Variants in OSBPL9 observed in about 807,000 individuals in gnomAD.
OSBPL9 encodes the protein oxysterol binding protein like 9, also known as oxysterol-binding protein-related protein 9.
In OSBPL9, 40 loss-of-function variants were observed where a neutral mutation model predicts 106.6. The observed-to-expected ratio is 0.38, with a 90% CI of 0.29 to 0.49. The LOEUF (loss-of-function observed/expected upper bound fraction) is 0.49, where lower values mean the gene tolerates loss of function less well. OSBPL9 is among the 20% of genes least tolerant of loss of function. The pLI, the probability that OSBPL9 is intolerant of heterozygous loss-of-function variation, is 0.97. For synonymous variants in OSBPL9, 269 were observed against 295.4 expected, an observed-to-expected ratio of 0.91 and a Z score of 0.92; for missense variants, 609 against 887.2, an observed-to-expected ratio of 0.69 and a Z score of 3.98.
intron 9 of OSBPL9, chr1:51,756,589 G>T (rs1421651039): frequency 6.1e-6 from 3 of 489,164 alleles, no homozygotes; most frequent in Non-Finnish European, 1.1e-5. Context: ...CACTTTGCAT[G>T]TATTAACTTG....
In OSBPL9 at chr1:51,588,521, G is replaced by A. The variant is rs375870872; in HGVS notation, c.-422-9603G>A. Among the ~76,000 whole-genome samples, 72 of 152,218 alleles carry A rather than the reference G, an allele frequency of 4.7e-4. No homozygotes were observed. In the South Asian group the frequency reaches 0.012, roughly 25 times the overall value. The stretch of plus-strand genomic sequence containing the variant: ...CTAAAAATTAAAAAATTAGCTGGGT[G>A]TGCACCTGTGATTTTAACTACTCAG... On this transcript the variant is annotated intron_variant, in intron 1 of 25. Coordinates refer to the OSBPL9 transcript ENST00000371714.
chr1:51,561,212 G>A, the OSBPL9 span, among the ~76,000 whole-genome samples: 1 of 152,192 alleles, frequency 6.6e-6, no homozygotes, highest in Non-Finnish European at 1.5e-5. Flanking sequence ...ACTCCAGCAT[G>A]GGTGACAGAG....
chr1:51,712,854 T>A (rs1399626420), intron 3 of OSBPL9, among the ~76,000 whole-genome samples: 1 of 152,250 alleles, frequency 6.6e-6, no homozygotes, highest in Admixed American at 6.5e-5. Context: ...GCTAAGATGA[T>A]GTTATCTTCC....
chr1:51,670,834 C>T lies in OSBPL9; in HGVS notation c.241+1322C>T, dbSNP rs117028205. On this transcript the variant is annotated intron_variant, in intron 3 of 23. Transcript: ENST00000428468. Reference sequence around the variant, plus strand: ...CCTATAAATCAGCAGGTAATTCCTACACTCTGGAACTCTTTACTTGAATGA... The same window carrying T: ...CCTATAAATCAGCAGGTAATTCCTATACTCTGGAACTCTTTACTTGAATGA... Among the ~76,000 whole-genome samples, 212 of 152,280 alleles carry T rather than the reference C, an allele frequency of 1.4e-3. 6 individuals carry two copies. The East Asian group carries it at 0.04, about 28-fold the overall frequency.
At chr1:51,567,963 T>C in the OSBPL9 span, 2 of 152,236 alleles carry the variant, frequency 1.3e-5, no homozygotes, top group African/African-American at 4.8e-5. Context: ...AGGATATAGA[T>C]GGCACAATCA....
chr1:51,615,120 C>T (rs1421284269), upstream of OSBPL9, among the ~76,000 whole-genome samples: 1 of 152,148 alleles, frequency 6.6e-6, no homozygotes, highest in Non-Finnish European at 1.5e-5. Flanking sequence ...GTTAGCCAGG[C>T]GAGCGCCTGT....
At chr1:51,592,035 A>T (rs577885295) in intron 1 of OSBPL9, among the ~76,000 whole-genome samples, 1 of 138,208 alleles carries the variant, frequency 7.2e-6, no homozygotes, top group South Asian at 2.2e-4. Flanking sequence ...TTCTTCACTC[A>T]ACATAATAAT....
At chr1:51,745,490 C>T (rs766916728) in intron 4 of OSBPL9, 46 bp from the exon 5 acceptor site, 24 of 1,592,682 alleles carry the variant, frequency 1.5e-5, no homozygotes, top group Non-Finnish European at 2.0e-5. Flanking sequence ...TACTATTAAA[C>T]TTTGCTTGGG....
At chr1:51,645,797 T>TA (rs1646118485) in intron 1 of OSBPL9, among the ~76,000 whole-genome samples, 1 of 151,562 alleles carries the variant, frequency 6.6e-6, no homozygotes, top group African/African-American at 2.4e-5. Context: ...TTGAGTTAAC[T>TA]TTTTTTTATG....
intron 4 of OSBPL9, among the ~76,000 whole-genome samples, chr1:51,739,243 C>T (rs184552131): frequency 2.2e-4 from 34 of 151,918 alleles, no homozygotes; most frequent in African/African-American, 8.2e-4. Context: ...AGGTTGATAT[C>T]CCAATTGAAA....
At chr1:51,738,551 C>T (rs1666208236) in intron 4 of OSBPL9, among the ~76,000 whole-genome samples, 1 of 151,900 alleles carries the variant, frequency 6.6e-6, no homozygotes, top group African/African-American at 2.4e-5. Context: ...GTCATAATAC[C>T]CAGTGCTTTC....
chr1:51,643,033 G>A (rs1645906566), intron 1 of OSBPL9, among the ~76,000 whole-genome samples: 1 of 152,200 alleles, frequency 6.6e-6, no homozygotes, highest in Admixed American at 6.5e-5. Context: ...GCAGCTGGAA[G>A]AGCATAGTGT....
chr1:51,731,249 A>G (rs919924783), intron 4 of OSBPL9, among the ~76,000 whole-genome samples: 3 of 151,724 alleles, frequency 2.0e-5, no homozygotes, highest in Non-Finnish European at 4.4e-5. Context: ...CAGCCTGGGC[A>G]ACAAAGCCAG....
intron 3 of OSBPL9, among the ~76,000 whole-genome samples, chr1:51,679,273 ATAGC>A (rs1473743814): frequency 2.6e-5 from 4 of 152,210 alleles, no homozygotes; most frequent in Non-Finnish European, 5.9e-5. Context: ...GTTTGGCTTA[ATAGC>A]TAGCAAGGTT....
At chr1:51,523,451 A>G in the OSBPL9 span, among the ~76,000 whole-genome samples, 3 of 151,790 alleles carry the variant, frequency 2.0e-5, no homozygotes, top group Non-Finnish European at 4.4e-5. Flanking sequence ...TCCTCAAAAC[A>G]GCTCTACAAG....
upstream of OSBPL9, among the ~76,000 whole-genome samples, chr1:51,575,651 A>G (rs1238925968): frequency 6.6e-6 from 1 of 152,130 alleles, no homozygotes; most frequent in African/African-American, 2.4e-5. Context: ...TATGAGACCC[A>G]GGGGACTTGA....
chr1:51,670,489 G>A (rs114092457), intron 3 of OSBPL9, among the ~76,000 whole-genome samples: 88 of 152,236 alleles, frequency 5.8e-4, no homozygotes, highest in Non-Finnish European at 1.0e-3. Flanking sequence ...AGGTGTTTAG[G>A]CAGCTGTTGT....
chr1:51,785,753 T>A (rs996549021), intron 20 of OSBPL9, 55 bp from the exon 21 acceptor site: 2 of 1,504,324 alleles, frequency 1.3e-6, no homozygotes, highest in Admixed American at 3.4e-5. Flanking sequence ...CTGAGCAGAT[T>A]CTTTGGTAGA....
At chr1:51,710,792 G>T (rs924397271) in intron 3 of OSBPL9, among the ~76,000 whole-genome samples, 2 of 152,136 alleles carry the variant, frequency 1.3e-5, no homozygotes, top group Non-Finnish European at 2.9e-5. Context: ...CTGTTTTAAA[G>T]ATATTTCCTA....
Sources: gnomAD v4.1 joint callset for allele counts (sites outside exome capture counted in the v4.1 genomes callset) on GRCh38, gnomAD v4.1.1 for gene constraint, MANE v1.5 for transcripts, NCBI Gene and HGNC (gene_info 2026-07-23, HGNC 2026-07-21) for gene names.